Variants in PTPRK observed in about 807,000 individuals in gnomAD.
The protein encoded by PTPRK is protein tyrosine phosphatase receptor type K.
A neutral mutation model predicts 178.0 loss-of-function variants in PTPRK; 75 were observed. The ratio of observed to expected loss-of-function variants is 0.42; its 90% CI spans 0.35 to 0.51. The LOEUF (loss-of-function observed/expected upper bound fraction) is 0.51. Ranked by LOEUF, PTPRK falls within the 20% of genes least tolerant of loss-of-function variation. The pLI is 0.02. For missense variants in PTPRK, 1,441 were observed against 1,797.8 expected (o/e 0.80, Z 3.59); for synonymous variants, 637 against 620.6 (o/e 1.03, Z -0.39).
intron 3 of PTPRK, among the ~76,000 whole-genome samples, chr6:128,300,409 A>G (rs1267955371): frequency 1.3e-5 from 2 of 152,090 alleles, no homozygotes; most frequent in East Asian, 3.9e-4. Context: ...GCTGCTATAA[A>G]GACACATACA....
chr6:128,145,666 A>G (rs1418440271), intron 7 of PTPRK, among the ~76,000 whole-genome samples: 3 of 150,344 alleles, frequency 2.0e-5, no homozygotes, highest in African/African-American at 7.5e-5. Context: ...GGAGTTAAAA[A>G]TGATCAAAAA....
intron 2 of PTPRK, among the ~76,000 whole-genome samples, chr6:128,328,289 C>T (rs538193293): frequency 1.3e-4 from 20 of 152,290 alleles, no homozygotes; most frequent in Non-Finnish European, 2.4e-4. Flanking sequence ...AAATTTTAAG[C>T]TCCGGGGCAA....
chr6:128,511,512 G>A (rs1337416207), intron 1 of PTPRK, among the ~76,000 whole-genome samples: 3 of 151,980 alleles, frequency 2.0e-5, no homozygotes, highest in South Asian at 2.1e-4. Context: ...TGTTCGGTGG[G>A]AGCTGCCACA....
At chr6:128,368,950 CA>C (rs369472572) in intron 2 of PTPRK, among the ~76,000 whole-genome samples, 19,209 of 150,648 alleles carry the variant, frequency 0.13, 1,502 homozygotes, top group Non-Finnish European at 0.17. Context: ...AACAAACAAA[CA>C]AAAAAAAAAA....
intron 2 of PTPRK, among the ~76,000 whole-genome samples, chr6:128,348,703 A>G (rs1177402423): frequency 6.6e-6 from 1 of 152,034 alleles, no homozygotes; most frequent in Non-Finnish European, 1.5e-5. Flanking sequence ...AATTGAAGAG[A>G]ATTACTTTTC....
At chr6:128,049,362 C>T (rs1256944257) in intron 13 of PTPRK, among the ~76,000 whole-genome samples, 1 of 152,054 alleles carries the variant, frequency 6.6e-6, no homozygotes, top group Non-Finnish European at 1.5e-5. Flanking sequence ...TTTCCCATAC[C>T]ATTGGTTTTG....
rs114946030 is a variant in PTPRK at position 128,327,053 on chromosome 6, A to G, written c.224-4743T>C. Among the ~76,000 whole-genome samples the G allele has an allele frequency of 9.2e-3, 1,398 of 152,256 alleles. 21 individuals are homozygous for G. The highest frequency in any genetic ancestry group is 0.032 in the African/African-American group (1,314 of 41,562). On this transcript the variant is annotated intron_variant, in intron 2 of 29. Coordinates refer to ENST00000368226, the MANE Select transcript of PTPRK (RefSeq NM_002844.4). Reference sequence around the variant, plus strand: ...TTCTTATTCCAATTCATTAAAAAAGAGAAAGGCAGAGAAGACTTAAAACAA... The same window carrying G: ...TTCTTATTCCAATTCATTAAAAAAGGGAAAGGCAGAGAAGACTTAAAACAA...
Position 128,248,591 on chromosome 6 carries a change from A to G in PTPRK, c.496-5989T>C, listed in dbSNP as rs78522591. On this transcript the variant is annotated intron_variant, in intron 3 of 29. Transcript: ENST00000368226. ...ATGTCAGGAACCCAATACTGGCCAA[A>G]TACTACATAAAATGGTTATTGGAAA... is the stretch of plus-strand genomic sequence containing the variant. 2.5e-3 allele frequency among the ~76,000 whole-genome samples: 384 copies of G among 152,308 alleles called. 1 individual carries two copies. Among genetic ancestry groups the G allele is most frequent in the African/African-American group, 8.7e-3 (363 of 41,570 alleles).
At chr6:128,420,281 A>T (rs1347216499) in intron 1 of PTPRK, among the ~76,000 whole-genome samples, 11 of 152,196 alleles carry the variant, frequency 7.2e-5, no homozygotes, top group Admixed American at 7.2e-4. Context: ...TCTTGGAATG[A>T]TCCTTTTTTC....
intron 1 of PTPRK, among the ~76,000 whole-genome samples, chr6:128,511,323 T>C (rs62426790): frequency 0.15 from 23,316 of 152,084 alleles, 1,972 homozygotes; most frequent in Non-Finnish European, 0.18. Flanking sequence ...TCTTCCCCAT[T>C]AGAAAGATTA....
chr6:128,419,666 G>C (rs1405340521), intron 1 of PTPRK, among the ~76,000 whole-genome samples: 1 of 151,832 alleles, frequency 6.6e-6, no homozygotes, highest in African/African-American at 2.4e-5. Flanking sequence ...AAATTCAATA[G>C]GAAACCAATC....
intron 3 of PTPRK, among the ~76,000 whole-genome samples, chr6:128,258,680 G>A (rs1357048313): frequency 2.0e-5 from 3 of 152,204 alleles, no homozygotes; most frequent in Non-Finnish European, 4.4e-5. Context: ...AAAGTGCTAA[G>A]GCAAGGAGGC....
intron 1 of PTPRK, among the ~76,000 whole-genome samples, chr6:128,497,600 T>C (rs918558711): frequency 2.6e-5 from 4 of 152,180 alleles, no homozygotes; most frequent in African/African-American, 9.6e-5. Context: ...ACACCTTGGC[T>C]TCCTTGTTTT....
At chr6:128,468,036 T>G (rs1453179015) in intron 1 of PTPRK, among the ~76,000 whole-genome samples, 1 of 152,226 alleles carries the variant, frequency 6.6e-6, no homozygotes, top group Non-Finnish European at 1.5e-5. Flanking sequence ...TTGACTTGAG[T>G]GTCACTATAA....
chr6:128,457,827 C>T (rs1313603278), intron 1 of PTPRK, among the ~76,000 whole-genome samples: 1 of 152,092 alleles, frequency 6.6e-6, no homozygotes, highest in Non-Finnish European at 1.5e-5. Flanking sequence ...TTGTCACTTG[C>T]CTGATCTTCA....
chr6:128,304,296 G>C (rs999509244), intron 3 of PTPRK, among the ~76,000 whole-genome samples: 1 of 152,142 alleles, frequency 6.6e-6, no homozygotes, highest in Non-Finnish European at 1.5e-5. Flanking sequence ...CACTACTGAA[G>C]GGGGTAGCAT....
At chr6:128,229,828 C>A (rs1245167607) in intron 5 of PTPRK, among the ~76,000 whole-genome samples, 1 of 151,880 alleles carries the variant, frequency 6.6e-6, no homozygotes, top group African/African-American at 2.4e-5. Context: ...GATAGGGAAC[C>A]AACTCATTTT....
At chr6:128,474,416 G>C (rs1851116548) in intron 1 of PTPRK, among the ~76,000 whole-genome samples, 1 of 151,972 alleles carries the variant, frequency 6.6e-6, no homozygotes, top group Admixed American at 6.6e-5. Context: ...TAACTCACCT[G>C]ATCCTAGGAG....
At position 128,049,263 on chromosome 6, in the gene PTPRK, C is replaced by A. The variant is rs144947819; in HGVS notation, c.2194+15495G>T. Reference sequence around the variant, plus strand: ...AGTAACAAGGTTTGTTCTAAAAAATCCAGAAGTTCACAGGATGGGAAAATT... The same window carrying A: ...AGTAACAAGGTTTGTTCTAAAAAATACAGAAGTTCACAGGATGGGAAAATT... On this transcript the variant is annotated intron_variant, in intron 13 of 29. Coordinates refer to ENST00000368226, the MANE Select transcript of PTPRK (RefSeq NM_002844.4). Among the ~76,000 whole-genome samples the A allele has an allele frequency of 2.2e-3, 333 of 152,164 alleles. 3 individuals carry two copies. Among genetic ancestry groups the A allele is most frequent in the African/African-American group, 7.4e-3 (307 of 41,526 alleles).
Sources: allele counts gnomAD v4.1 joint callset (sites outside exome capture counted in the v4.1 genomes callset), GRCh38; gene constraint gnomAD v4.1.1; transcripts MANE v1.5; gene names NCBI Gene and HGNC (gene_info 2026-07-23, HGNC 2026-07-21).